The following GABBR2 variants were observed in gnomAD, a reference collection of about 807,000 sequenced individuals.
The protein encoded by GABBR2 is gamma-aminobutyric acid type B receptor subunit 2, also known as G-protein coupled receptor 51.
A neutral mutation model predicts 105.6 loss-of-function variants in GABBR2; 23 were observed. The ratio of observed to expected loss-of-function variants is 0.22; its 90% CI spans 0.16 to 0.31. The LOEUF (loss-of-function observed/expected upper bound fraction) is 0.31. GABBR2 is among the 10% of genes least tolerant of loss of function. The probability of loss-of-function intolerance (pLI) is 1.00; values close to 1 mark genes in which losing one functional copy is unlikely to be tolerated. For synonymous variants in GABBR2, 478 were observed against 499.7 expected, an observed-to-expected ratio of 0.96 and a Z score of 0.58; for missense variants, 734 against 1,245.5, an observed-to-expected ratio of 0.59 and a Z score of 6.18.
chr9:98,572,647 A>G (rs906360098), intron 2 of GABBR2, among the ~76,000 whole-genome samples: 1 of 152,144 alleles, frequency 6.6e-6, no homozygotes, highest in Non-Finnish European at 1.5e-5. Flanking sequence ...AGTCTGGCTT[A>G]TAATAAATGG....
chr9:98,622,951 G>T (rs542167547), intron 1 of GABBR2, among the ~76,000 whole-genome samples: 49 of 152,264 alleles, frequency 3.2e-4, no homozygotes, highest in African/African-American at 1.2e-3. Context: ...TATGGACTCT[G>T]GGTGATGACG....
intron 1 of GABBR2, among the ~76,000 whole-genome samples, chr9:98,612,722 G>T (rs908459221): frequency 1.1e-4 from 17 of 152,120 alleles, no homozygotes; most frequent in South Asian, 4.1e-4. Context: ...AAAATTCTCA[G>T]GGGGGAAAAA....
At chr9:98,446,666 G>C (rs1412412230) in intron 7 of GABBR2, among the ~76,000 whole-genome samples, 11 of 152,104 alleles carry the variant, frequency 7.2e-5, no homozygotes, top group African/African-American at 2.4e-4. Context: ...GGACACATGA[G>C]GTACAGAGAA....
chr9:98,466,498 A>G lies in GABBR2; in HGVS notation c.999+6648T>C, dbSNP rs186106261. Among the ~76,000 whole-genome samples the G allele has an allele frequency of 7.2e-5, 11 of 152,322 alleles. No homozygotes were observed. In the East Asian group the frequency reaches 2.1e-3, roughly 29 times the overall value. ...CTTCCATTGCTCCTCATCTCACATG[A>G]CCTGGGTTATAAACTCTTCATCGAT... On this transcript the variant is annotated intron_variant, in intron 6 of 18. Transcript: ENST00000259455.
intron 7 of GABBR2, among the ~76,000 whole-genome samples, chr9:98,428,605 T>C (rs1293127018): frequency 6.6e-6 from 1 of 152,210 alleles, no homozygotes; most frequent in African/African-American, 2.4e-5. Context: ...AAGATGGCTC[T>C]ATGCAGGGAT....
chr9:98,668,246 T>TTAACA (rs59038064), intron 1 of GABBR2, among the ~76,000 whole-genome samples: 141,146 of 152,160 alleles, frequency 0.93, 65,597 homozygotes, highest in Middle Eastern at 0.97. Flanking sequence ...GGATCCCAAC[T>TTAACA]TAACAGTGGC....
At chr9:98,413,371 G>C (rs1253509114) in intron 7 of GABBR2, among the ~76,000 whole-genome samples, 1 of 152,188 alleles carries the variant, frequency 6.6e-6, no homozygotes, top group South Asian at 2.1e-4. Flanking sequence ...TTTCCACAGG[G>C]ATGGCAGGAT....
chr9:98,292,212 C>T (rs1830313287), intron 18 of GABBR2, among the ~76,000 whole-genome samples: 1 of 152,084 alleles, frequency 6.6e-6, no homozygotes, highest in Admixed American at 6.5e-5. Context: ...CACTCACGTG[C>T]AAAAAAGCGA....
At chr9:98,685,849 C>A (rs1385361850) in intron 1 of GABBR2, among the ~76,000 whole-genome samples, 1 of 152,148 alleles carries the variant, frequency 6.6e-6, no homozygotes, top group Non-Finnish European at 1.5e-5. Flanking sequence ...CACACACCAT[C>A]ATCCCCAGCT....
Position 98,490,562 on chromosome 9 carries a change from A to G in GABBR2, c.732+5851T>C, listed in dbSNP as rs146213571. Among the ~76,000 whole-genome samples, 140 of 152,372 alleles carry G rather than the reference A, an allele frequency of 9.2e-4. 4 individuals carry two copies. The East Asian group carries it at 0.019, about 21-fold the overall frequency. ...CTTTCCACAAAAATATTTGGTCTCC[A>G]GAGCACCCGGATTGAACTGAGGCAA... On this transcript the variant is annotated intron_variant, in intron 4 of 18. Transcript: ENST00000259455.
chr9:98,569,523 G>A (rs1367043367), intron 2 of GABBR2, among the ~76,000 whole-genome samples: 2 of 152,176 alleles, frequency 1.3e-5, no homozygotes, highest in Non-Finnish European at 2.9e-5. Context: ...TTATAAAAGC[G>A]CTTTCCCTTG....
At chr9:98,585,306 C>T (rs973735821) in intron 1 of GABBR2, among the ~76,000 whole-genome samples, 8 of 151,780 alleles carry the variant, frequency 5.3e-5, no homozygotes, top group African/African-American at 1.9e-4. Flanking sequence ...GAATACTATG[C>T]AGCCATAAAA....
rs991651423 is a variant in GABBR2 at position 98,577,839 on chromosome 9, A to C, written c.459+96T>G. On this transcript the variant is annotated intron_variant, in intron 2 of 18. Coordinates refer to ENST00000259455, the MANE Select transcript of GABBR2 (RefSeq NM_005458.8). Reference sequence around the variant, plus strand: ...AAAGTCCAGGAGGCCTGACCCAGGCAACATAGAAACCACATTGTACAAGGA... The same window carrying C: ...AAAGTCCAGGAGGCCTGACCCAGGCCACATAGAAACCACATTGTACAAGGA... 46 of 1,254,398 alleles carry C rather than the reference A, an allele frequency of 3.7e-5. 1 individual carries two copies. Among genetic ancestry groups the C allele is most frequent in the South Asian group, 2.0e-4 (13 of 66,302 alleles). 77.7% of individuals were successfully genotyped at this position (1,254,398 alleles called of 1,614,324 possible). A position where few individuals can be genotyped will look rare whatever the true frequency, so the allele number is the denominator to read the frequency against.
intron 7 of GABBR2, among the ~76,000 whole-genome samples, chr9:98,453,634 A>T (rs1010373948): frequency 1.3e-5 from 2 of 152,234 alleles, no homozygotes; most frequent in African/African-American, 2.4e-5. Flanking sequence ...GAAGCCAGGT[A>T]CTGTGCCAGG....
intron 13 of GABBR2, among the ~76,000 whole-genome samples, chr9:98,313,161 A>G (rs961916059): frequency 2.6e-5 from 4 of 152,196 alleles, no homozygotes; most frequent in Non-Finnish European, 4.4e-5. Context: ...GCTGCCTTCT[A>G]TGTTTTTTCC....
intron 3 of GABBR2, among the ~76,000 whole-genome samples, chr9:98,539,909 C>T (rs576102743): frequency 1.2e-4 from 15 of 124,168 alleles, no homozygotes; most frequent in South Asian, 2.5e-4. Flanking sequence ...AGTGAGACTT[C>T]GTCTAAAAAA....
At chr9:98,360,928 C>T (rs1356079506) in intron 13 of GABBR2, among the ~76,000 whole-genome samples, 1 of 152,200 alleles carries the variant, frequency 6.6e-6, no homozygotes, top group Non-Finnish European at 1.5e-5. Flanking sequence ...TTGGGCTCCA[C>T]ACTGAGCCAC....
intron 1 of GABBR2, among the ~76,000 whole-genome samples, chr9:98,633,817 G>A (rs1829845137): frequency 1.3e-5 from 2 of 152,130 alleles, no homozygotes; most frequent in African/African-American, 4.8e-5. Flanking sequence ...GAGTCCCCAA[G>A]TTAAAGGCAT....
intron 15 of GABBR2, chr9:98,304,169 C>G (rs773649048): frequency 6.6e-6 from 1 of 152,350 alleles, no homozygotes; most frequent in Admixed American, 6.5e-5. Context: ...ACCAGGCCAG[C>G]GGGTATCAGG....
Sources: allele counts gnomAD v4.1 joint callset (sites outside exome capture counted in the v4.1 genomes callset), GRCh38; gene constraint gnomAD v4.1.1; transcripts MANE v1.5; gene names NCBI Gene and HGNC (gene_info 2026-07-23, HGNC 2026-07-21).